The following ANO3 variants were observed in gnomAD, a reference collection of about 807,000 sequenced individuals.
ANO3 encodes the protein anoctamin-3.
A neutral mutation model predicts 144.8 loss-of-function variants in ANO3; 99 were observed. The ratio of observed to expected loss-of-function variants is 0.68; its 90% confidence interval spans 0.58 to 0.81. The LOEUF (loss-of-function observed/expected upper bound fraction) is 0.81. ANO3 is among the 30% of genes least tolerant of loss of function. The pLI is 0.00. For missense variants in ANO3, 905 were observed against 1,202.2 expected (o/e 0.75, Z 3.66); for synonymous variants, 414 against 392.6 (o/e 1.05, Z -0.64).
chr11:26,251,758 A>G (rs1276591122), intron 1 of ANO3, among the ~76,000 whole-genome samples: 3 of 152,202 alleles, frequency 2.0e-5, no homozygotes, highest in Admixed American at 6.5e-5. Flanking sequence ...CACATCACAC[A>G]TGGTGGCAGG....
chr11:26,478,907 G>A (rs1457870755), intron 4 of ANO3, among the ~76,000 whole-genome samples: 2 of 152,172 alleles, frequency 1.3e-5, no homozygotes, highest in Non-Finnish European at 2.9e-5. Flanking sequence ...TGTGCCGCTG[G>A]AGCAGAGCTC....
chr11:26,452,024 G>A (rs1419584429), intron 3 of ANO3, among the ~76,000 whole-genome samples: 2 of 152,170 alleles, frequency 1.3e-5, no homozygotes, highest in Non-Finnish European at 2.9e-5. Flanking sequence ...GCAGCTGAGG[G>A]TCCTGTCTGT....
At chr11:26,336,618 A>G (rs1855200561) in intron 1 of ANO3, among the ~76,000 whole-genome samples, 1 of 152,200 alleles carries the variant, frequency 6.6e-6, no homozygotes, top group African/African-American at 2.4e-5. Context: ...AATTACCTAG[A>G]AGGACAATCC....
intron 1 of ANO3, among the ~76,000 whole-genome samples, chr11:26,248,739 CTTGT>C (rs893723685): frequency 2.0e-5 from 3 of 152,016 alleles, no homozygotes; most frequent in Admixed American, 6.6e-5. Flanking sequence ...TTTTGTTTTG[CTTGT>C]TTGTTTGTTT....
At chr11:26,649,995 GA>G (rs1198093812) in intron 24 of ANO3, among the ~76,000 whole-genome samples, 1 of 152,088 alleles carries the variant, frequency 6.6e-6, no homozygotes, top group Non-Finnish European at 1.5e-5. Context: ...AAATGAGATT[GA>G]CTGGGTATCT....
chr11:26,281,495 G>C (rs1285189528), intron 1 of ANO3, among the ~76,000 whole-genome samples: 1 of 152,066 alleles, frequency 6.6e-6, no homozygotes, highest in Non-Finnish European at 1.5e-5. Context: ...TGAGGGAGAG[G>C]TTCTTCTTCA....
intron 1 of ANO3, among the ~76,000 whole-genome samples, chr11:26,386,366 C>G (rs1856732352): frequency 6.6e-6 from 1 of 152,106 alleles, no homozygotes; most frequent in African/African-American, 2.4e-5. Flanking sequence ...TGGCATCCAT[C>G]ATAGTGCTTG....
chr11:26,618,056 C>CT (rs752394208), intron 17 of ANO3, among the ~76,000 whole-genome samples: 1 of 152,052 alleles, frequency 6.6e-6, no homozygotes, highest in Non-Finnish European at 1.5e-5. Flanking sequence ...AAAATATATG[C>CT]TTTTTTGTTG....
chr11:26,441,243 A>G (rs373045175), intron 1 of ANO3, among the ~76,000 whole-genome samples: 4,361 of 144,520 alleles, frequency 0.03, 211 homozygotes, highest in African/African-American at 0.1. Context: ...TCAGCCTCCC[A>G]AGTAGCTGGG....
At chr11:26,544,273 T>TATATATATATATATATATCTATATATAC in intron 11 of ANO3, among the ~76,000 whole-genome samples, 1 of 58,544 alleles carries the variant, frequency 1.7e-5, no homozygotes, top group Admixed American at 2.1e-4. Flanking sequence ...TATATATATA[T>TATATATATATATATATATCTATATATAC]ACACACATAC....
chr11:26,480,335 T>C lies in ANO3; in HGVS notation c.432+17187T>C, dbSNP rs148199164. Among the ~76,000 whole-genome samples, 1,179 of 152,256 alleles carry C rather than the reference T, an allele frequency of 7.7e-3. 9 individuals carry two copies. The highest frequency in any genetic ancestry group is 1.0e-2 in the South Asian group (48 of 4,824). On this transcript the variant is annotated intron_variant, in intron 4 of 26. Transcript: ENST00000256737. ...CACTGGTCTTCCATGTGTAATTCTT[T>C]AGAAAAAATGACAAAATAAACCTTT...
At chr11:26,520,078 GT>G (rs1308718389) in intron 6 of ANO3, among the ~76,000 whole-genome samples, 2 of 152,024 alleles carry the variant, frequency 1.3e-5, no homozygotes, top group East Asian at 3.9e-4. Context: ...TGGAATAATT[GT>G]TGTTCCCTTA....
chr11:26,265,516 AAAT>A (rs1329040686), intron 1 of ANO3, among the ~76,000 whole-genome samples: 1 of 152,316 alleles, frequency 6.6e-6, no homozygotes, highest in East Asian at 1.9e-4. Context: ...ATAAAATATA[AAAT>A]AATAAAAACA....
rs762277202 is a variant in ANO3, at chr11:26,470,415, C to CAA, written c.432+7276_432+7277dup. On this transcript the variant is annotated intron_variant, in intron 4 of 26. Coordinates refer to ENST00000256737, the MANE Select transcript of ANO3 (RefSeq NM_031418.4). ...AGAGAGAGAGAGAGGGAGACCCTCT[C>CAA]AAAAAAAAAACAGAAAAAAAAAAAA... is the stretch of plus-strand genomic sequence containing the variant. Among the ~76,000 whole-genome samples the CAA allele has an allele frequency of 9.2e-3, 974 of 106,428 alleles. 10 individuals carry two copies. The highest frequency in any genetic ancestry group is 0.03 in the African/African-American group (893 of 29,928). The allele number at this position is 106,428 out of a possible 152,430, so 69.8% of individuals were successfully genotyped here. A position where few individuals can be genotyped will look rare whatever the true frequency, so the allele number is the denominator to read the frequency against.
intron 1 of ANO3, among the ~76,000 whole-genome samples, chr11:26,439,193 A>T (rs1169591069): frequency 1.3e-5 from 2 of 152,234 alleles, no homozygotes; most frequent in Non-Finnish European, 2.9e-5. Flanking sequence ...TATAACCTAA[A>T]CTTAAGAGCT....
At chr11:26,580,261 T>G (rs1233545005) in intron 14 of ANO3, among the ~76,000 whole-genome samples, 1 of 152,136 alleles carries the variant, frequency 6.6e-6, no homozygotes. Context: ...AAAAATATTT[T>G]ATAAAGGGAA....
At chr11:26,518,653 G>C (rs1390530334) in intron 6 of ANO3, among the ~76,000 whole-genome samples, 1 of 151,866 alleles carries the variant, frequency 6.6e-6, no homozygotes, top group East Asian at 1.9e-4. Flanking sequence ...TATTTAATAT[G>C]TTATTAGCGG....
chr11:26,388,640 G>A (rs953449879), intron 1 of ANO3, among the ~76,000 whole-genome samples: 6 of 152,102 alleles, frequency 3.9e-5, no homozygotes, highest in African/African-American at 1.4e-4. Context: ...TAAGGAAACC[G>A]AGGCAGAGAG....
chr11:26,463,690 G>A (rs1859498420), intron 4 of ANO3, among the ~76,000 whole-genome samples: 2 of 151,860 alleles, frequency 1.3e-5, no homozygotes, highest in Admixed American at 6.6e-5. Flanking sequence ...CAAAAATGAG[G>A]TAGAGTTCAA....
Sources: allele counts gnomAD v4.1 joint callset (sites outside exome capture counted in the v4.1 genomes callset), GRCh38; gene constraint gnomAD v4.1.1; transcripts MANE v1.5; gene names NCBI Gene and HGNC (gene_info 2026-07-23, HGNC 2026-07-21).